RALGPS1: variants seen among roughly 807,000 people sequenced by gnomAD.
RALGPS1 encodes Ral GEF with PH domain and SH3 binding motif 1, also known as ras-specific guanine nucleotide-releasing factor RalGPS1.
RALGPS1 carries 19 observed loss-of-function variants against 78.8 expected under a neutral mutation model. The ratio of observed to expected loss-of-function variants is 0.24; its 90% CI spans 0.17 to 0.35. RALGPS1 has a LOEUF of 0.35. RALGPS1 is among the 10% of genes least tolerant of loss of function. RALGPS1 has a pLI of 1.00. For synonymous variants in RALGPS1, 228 were observed against 256.3 expected, an observed-to-expected ratio of 0.89 and a Z score of 1.06; for missense variants, 454 against 688.3, an observed-to-expected ratio of 0.66 and a Z score of 3.81.
At chr9:127,062,100 TG>T (rs1224923049) in intron 7 of RALGPS1, among the ~76,000 whole-genome samples, 3 of 152,180 alleles carry the variant, frequency 2.0e-5, no homozygotes, top group African/African-American at 7.2e-5. Context: ...ATTTTTTTGT[TG>T]TTTTTTTTTG....
At chr9:127,093,957 G>T (rs762929859) in intron 8 of RALGPS1, 2 of 1,601,384 alleles carry the variant, frequency 1.2e-6, no homozygotes, top group South Asian at 1.1e-5. Context: ...ATACATCACA[G>T]ACCTGCCTGT....
intron 4 of RALGPS1, among the ~76,000 whole-genome samples, chr9:127,008,527 G>A (rs1042457687): frequency 2.6e-5 from 4 of 152,126 alleles, no homozygotes; most frequent in Non-Finnish European, 4.4e-5. Context: ...AGTGGGATGG[G>A]GTGAAGCTGA....
chr9:127,063,747 A>C lies in RALGPS1; in HGVS notation c.484-5483A>C, dbSNP rs188396960. Among the ~76,000 whole-genome samples the C allele has an allele frequency of 3.9e-5, 6 of 152,306 alleles. No homozygotes were observed. The East Asian group carries it at 9.7e-4, about 25-fold the overall frequency. On this transcript the variant is annotated intron_variant, in intron 7 of 18. Coordinates refer to ENST00000259351, the MANE Select transcript of RALGPS1 (RefSeq NM_014636.3). ...TTTAAAGCCACAAATTTTCCTCCTA[A>C]TGTGCTTTTGGCCTCATCACATAGT...
chr9:127,098,919 G>C (rs959239447), intron 8 of RALGPS1, among the ~76,000 whole-genome samples: 1 of 152,188 alleles, frequency 6.6e-6, no homozygotes. Context: ...GTGGAGAAAT[G>C]GGCTCACAAA....
At chr9:127,143,650 C>T (rs2057921045) in intron 8 of RALGPS1, among the ~76,000 whole-genome samples, 1 of 152,156 alleles carries the variant, frequency 6.6e-6, no homozygotes, top group East Asian at 1.9e-4. Context: ...GACTTGGTGA[C>T]ACCTCTTATT....
At chr9:127,108,269 G>A (rs776991512) in intron 8 of RALGPS1, 13 of 1,613,898 alleles carry the variant, frequency 8.1e-6, no homozygotes, top group East Asian at 2.2e-5. Context: ...AGCTGGGAGA[G>A]CTCCAACGCG....
chr9:127,181,351 A>C (rs2140128307), intron 11 of RALGPS1, among the ~76,000 whole-genome samples: 1 of 152,352 alleles, frequency 6.6e-6, no homozygotes, highest in Admixed American at 6.5e-5. Context: ...ACCCTGACAC[A>C]GACACTGTGA....
At chr9:127,063,476 A>G (rs80012908) in intron 7 of RALGPS1, among the ~76,000 whole-genome samples, 280 of 152,192 alleles carry the variant, frequency 1.8e-3, no homozygotes, top group African/African-American at 6.5e-3. Flanking sequence ...TCTCAGTCCT[A>G]TGTTGTATAT....
intron 8 of RALGPS1, among the ~76,000 whole-genome samples, chr9:127,154,990 G>A (rs1013161381): frequency 2.0e-5 from 3 of 152,160 alleles, no homozygotes; most frequent in African/African-American, 7.2e-5. Context: ...CTTTCACTGG[G>A]GGAATCATCT....
chr9:127,177,885 G>C (rs1040553195), intron 11 of RALGPS1: 10 of 1,549,280 alleles, frequency 6.5e-6, no homozygotes, highest in Non-Finnish European at 8.7e-6. Flanking sequence ...ACTTGGCTCT[G>C]TTGTTTATTA....
chr9:127,113,271 C>T (rs2055037911), intron 8 of RALGPS1, among the ~76,000 whole-genome samples: 1 of 152,164 alleles, frequency 6.6e-6, no homozygotes, highest in African/African-American at 2.4e-5. Context: ...CCAAAGGTGA[C>T]TGAGCCTAGG....
chr9:127,099,235 T>C (rs1458153873), intron 8 of RALGPS1, among the ~76,000 whole-genome samples: 2 of 152,182 alleles, frequency 1.3e-5, no homozygotes, highest in African/African-American at 4.8e-5. Flanking sequence ...TCTGGGGGGC[T>C]CTTGGTTCTG....
Position 127,212,569 on chromosome 9 carries a change from G to T in RALGPS1, c.1354-58G>T. 7.8e-7 allele frequency: 1 copy of T among 1,289,472 alleles called. No individual in the cohort carries two copies. Among genetic ancestry groups the T allele is most frequent in the Non-Finnish European group, 1.1e-6 (1 of 910,262 alleles). 79.9% of individuals were successfully genotyped at this position (1,289,472 alleles called of 1,614,324 possible). ...GGATGGCTGGGTCTGTAATCGGCCA[G>T]GGATCCTCTACCCCCACGACCCCTG... On this transcript the variant is annotated intron_variant, in intron 15 of 18. Coordinates refer to ENST00000259351, the MANE Select transcript of RALGPS1 (RefSeq NM_014636.3). This position sits in a 1 kb window ranked among gnomAD's most constrained non-coding sequence, Gnocchi z 6.0.
At chr9:127,179,467 C>T (rs907993002) in intron 11 of RALGPS1, among the ~76,000 whole-genome samples, 8 of 152,130 alleles carry the variant, frequency 5.3e-5, no homozygotes, top group Non-Finnish European at 1.2e-4. Flanking sequence ...CTTGCAGTCC[C>T]GGGAATGGGA....
chr9:126,951,530 A>G (rs1452402414), intron 1 of RALGPS1, among the ~76,000 whole-genome samples: 1 of 151,294 alleles, frequency 6.6e-6, no homozygotes, highest in African/African-American at 2.4e-5. Flanking sequence ...AAATCAATAA[A>G]TGTAATCCAG....
chr9:127,132,830 T>C lies in RALGPS1; in HGVS notation c.611-33239T>C, dbSNP rs142977823. ...TCCAAAGTGCCTGCCATATAGTAAG[T>C]ACCTAATTTTTTCTTCATAATCATC... On this transcript the variant is annotated intron_variant, in intron 8 of 18. Transcript: ENST00000259351. 7.6e-4 allele frequency among the ~76,000 whole-genome samples: 116 copies of C among 152,324 alleles called. 2 individuals carry two copies. The East Asian group carries it at 0.021, about 28-fold the overall frequency.
chr9:127,109,704 A>G (rs2054606374), intron 8 of RALGPS1, among the ~76,000 whole-genome samples: 1 of 152,250 alleles, frequency 6.6e-6, no homozygotes, highest in Non-Finnish European at 1.5e-5. Context: ...GCTAGTGGCT[A>G]GGGATACAGC....
chr9:126,988,060 C>T (rs746125663), intron 4 of RALGPS1, among the ~76,000 whole-genome samples: 6 of 152,058 alleles, frequency 3.9e-5, no homozygotes, highest in East Asian at 1.9e-4. Context: ...TCTGTCATGA[C>T]GGGAGAAGTG....
Position 127,091,149 on chromosome 9 carries a change from A to G in RALGPS1, c.610+21793A>G, listed in dbSNP as rs1260056334. 6.6e-6 allele frequency among the ~76,000 whole-genome samples: 1 copy of G among 152,244 alleles called. No individual in the cohort carries two copies. Among genetic ancestry groups the G allele is most frequent in the African/African-American group, 2.4e-5 (1 of 41,474 alleles). Reference sequence around the variant, plus strand: ...AAATCCTAGACAAAGCACTTTAGGTACATTCTCTCTACCCTTCTCCCTACT... The same window carrying G: ...AAATCCTAGACAAAGCACTTTAGGTGCATTCTCTCTACCCTTCTCCCTACT... On this transcript the variant is annotated intron_variant, in intron 8 of 18. Coordinates refer to ENST00000259351, the MANE Select transcript of RALGPS1 (RefSeq NM_014636.3). The surrounding 1 kb of genome is among the most constrained non-coding windows in gnomAD (Gnocchi z 4.3).
Sources: allele counts gnomAD v4.1 joint callset (sites outside exome capture counted in the v4.1 genomes callset), GRCh38; gene constraint gnomAD v4.1.1; non-coding constraint Gnocchi (gnomAD v3.1); transcripts MANE v1.5; gene names NCBI Gene and HGNC (gene_info 2026-07-23, HGNC 2026-07-21).